GLIS3: variants seen among roughly 807,000 people sequenced by gnomAD.
The protein encoded by GLIS3 is zinc finger protein GLIS3.
A neutral mutation model predicts 78.6 loss-of-function variants in GLIS3; 53 were observed. The ratio of observed to expected loss-of-function variants is 0.67; its 90% CI spans 0.54 to 0.85. The LOEUF (loss-of-function observed/expected upper bound fraction) is 0.85, where lower values mean the gene tolerates loss of function less well. Ranked by LOEUF, GLIS3 falls within the 40% of genes least tolerant of loss-of-function variation. The probability of loss-of-function intolerance (pLI) is 0.00; values close to 1 mark genes in which losing one functional copy is unlikely to be tolerated. For synonymous variants in GLIS3, 684 were observed against 509.9 expected (o/e 1.34, Z -4.60); for missense variants, 1,703 against 1,231.1 (o/e 1.38, Z -5.74).
intron 4 of GLIS3, among the ~76,000 whole-genome samples, chr9:4,025,027 T>C (rs1016404308): frequency 6.6e-6 from 1 of 152,080 alleles, no homozygotes; most frequent in African/African-American, 2.4e-5. Context: ...AGCGGGCAGA[T>C]CACCTTGAGG....
chr9:3,940,879 C>T (rs977313774), intron 4 of GLIS3, among the ~76,000 whole-genome samples: 1 of 152,106 alleles, frequency 6.6e-6, no homozygotes, highest in African/African-American at 2.4e-5. Flanking sequence ...GCTCTGTGTG[C>T]ATGAAAGCAA....
intron 7 of GLIS3, among the ~76,000 whole-genome samples, chr9:3,888,214 A>AAAG (rs963227514): frequency 6.6e-6 from 1 of 152,120 alleles, no homozygotes; most frequent in African/African-American, 2.4e-5. Context: ...TTTGGAAATA[A>AAAG]AAGTTTTACT....
At chr9:4,465,415 G>T in the GLIS3 span, among the ~76,000 whole-genome samples, 6 of 152,184 alleles carry the variant, frequency 3.9e-5, no homozygotes. Context: ...CATGCATGGT[G>T]ACACGCAACT....
rs746113432 is a variant in GLIS3 at position 4,117,988 on chromosome 9, C to T, written c.1490G>A (p.Gly497Glu). 2 of 1,611,752 alleles carry T rather than the reference C, an allele frequency of 1.2e-6. No homozygotes were observed. ...LDDDGEMDGI[G>E]GKHCCRWIDC... ...GATCCAGCGGCAGCAATGCTTGCCC[C>T]CGATGCCGTCCATCTCCCCGTCGTC... Residue 497 changes from glycine (G) to glutamate (E), a missense_variant, in exon 4 of 11, where the codon GGG becomes GAG. Coordinates refer to ENST00000381971, the MANE Select transcript of GLIS3 (RefSeq NM_001042413.2).
At chr9:4,025,884 G>A (rs537970222) in intron 4 of GLIS3, among the ~76,000 whole-genome samples, 8 of 152,210 alleles carry the variant, frequency 5.3e-5, no homozygotes, top group African/African-American at 1.9e-4. Context: ...AAATGAAATA[G>A]CTCTCTTTTC....
At chr9:4,168,014 G>T (rs999679801) in intron 2 of GLIS3, among the ~76,000 whole-genome samples, 3 of 152,196 alleles carry the variant, frequency 2.0e-5, no homozygotes, top group Non-Finnish European at 4.4e-5. Flanking sequence ...CTGGCCTAGG[G>T]CTTTAGTTGG....
At chr9:3,933,968 T>G (rs898069128) in intron 5 of GLIS3, among the ~76,000 whole-genome samples, 1 of 152,172 alleles carries the variant, frequency 6.6e-6, no homozygotes, top group African/African-American at 2.4e-5. Context: ...ACTGACTGTT[T>G]GACTGGTTGG....
At chr9:3,950,497 T>C (rs567280085) in intron 4 of GLIS3, among the ~76,000 whole-genome samples, 1 of 152,368 alleles carries the variant, frequency 6.6e-6, no homozygotes, top group South Asian at 2.1e-4. Flanking sequence ...GCTCAGTTTC[T>C]CAAGGGCACC....
intron 2 of GLIS3, among the ~76,000 whole-genome samples, chr9:4,131,531 C>A (rs1018883051): frequency 1.7e-4 from 26 of 151,854 alleles, no homozygotes; most frequent in African/African-American, 6.3e-4. Context: ...CCCATGAGAT[C>A]TGGTTGTATA....
At chr9:4,383,495 G>T in the GLIS3 span, among the ~76,000 whole-genome samples, 5 of 152,196 alleles carry the variant, frequency 3.3e-5, no homozygotes, top group Non-Finnish European at 5.9e-5. Context: ...GGCAGAAGCT[G>T]TTTAGTAATT....
At chr9:4,161,113 G>C (rs1586842756) in intron 2 of GLIS3, among the ~76,000 whole-genome samples, 1 of 149,236 alleles carries the variant, frequency 6.7e-6, no homozygotes, top group Non-Finnish European at 1.5e-5. Context: ...AGAAAGAAAA[G>C]AAAAGAAAAA....
intron 4 of GLIS3, among the ~76,000 whole-genome samples, chr9:3,953,783 C>T (rs1489257116): frequency 7.1e-4 from 29 of 40,678 alleles, no homozygotes; most frequent in African/African-American, 2.5e-3. Flanking sequence ...CTCTCTCTCT[C>T]TCTCTCTCTC....
intron 6 of GLIS3, among the ~76,000 whole-genome samples, 193 bp downstream of exon 6, chr9:3,932,160 GCTATGCA>G (rs1825660912): frequency 6.6e-6 from 1 of 151,966 alleles, no homozygotes; most frequent in Non-Finnish European, 1.5e-5. Context: ...AGCCATATCA[GCTATGCA>G]AACCATAGCC....
At chr9:4,377,003 G>A in the GLIS3 span, among the ~76,000 whole-genome samples, 2,875 of 135,218 alleles carry the variant, frequency 0.021, 514 homozygotes, top group African/African-American at 0.062. Context: ...CCACTTACTA[G>A]CCCAATAACT....
At chr9:4,218,659 C>G (rs534557974) in intron 2 of GLIS3, among the ~76,000 whole-genome samples, 1 of 152,278 alleles carries the variant, frequency 6.6e-6, no homozygotes, top group South Asian at 2.1e-4. Context: ...CTATGGAGCA[C>G]TTGAGATGTG....
At position 4,319,871 on chromosome 9, in the gene GLIS3, C is replaced by T. The variant is rs546720150; in HGVS notation, n.265-9343G>A. ...ATACTTGATCAGTAATATGAGTAAA[C>T]TAATATTAATGAATGATTTAGAACC... On this transcript the variant is annotated intron_variant and non_coding_transcript_variant, in intron 2 of 4. Transcript: ENST00000471664. Among the ~76,000 whole-genome samples the T allele has an allele frequency of 6.6e-5, 10 of 152,176 alleles. 1 individual carries two copies. The South Asian group carries it at 2.1e-3, about 32-fold the overall frequency.
At chr9:4,042,324 A>C (rs1340254) in intron 4 of GLIS3, among the ~76,000 whole-genome samples, 4,133 of 152,254 alleles carry the variant, frequency 0.027, 187 homozygotes, top group African/African-American at 0.092. Flanking sequence ...GAGAAGTGAA[A>C]TGGGAACAGT....
chr9:4,089,919 G>A (rs1445557711), intron 4 of GLIS3, among the ~76,000 whole-genome samples: 1 of 152,196 alleles, frequency 6.6e-6, no homozygotes, highest in Non-Finnish European at 1.5e-5. Flanking sequence ...TCATAAAGAG[G>A]AGTATTTATT....
chr9:4,093,295 G>A (rs484781), intron 4 of GLIS3, among the ~76,000 whole-genome samples: 47,195 of 151,620 alleles, frequency 0.31, 8,335 homozygotes, highest in African/African-American at 0.48. Flanking sequence ...ATGAATGAAT[G>A]TTCCTGCTGG....
Sources: gnomAD v4.1 joint callset for allele counts (sites outside exome capture counted in the v4.1 genomes callset) on GRCh38, gnomAD v4.1.1 for gene constraint, MANE v1.5 for transcripts, NCBI Gene and HGNC (gene_info 2026-07-23, HGNC 2026-07-21) for gene names.